The following SYBU variants were observed in gnomAD, a reference collection of about 807,000 sequenced individuals.
SYBU encodes the protein GOLSYN A protein.
Under a neutral mutation model 35.9 loss-of-function variants are expected in SYBU, and 21 were observed. That is an observed-to-expected ratio of 0.58 (90% CI 0.41 to 0.84). The LOEUF (loss-of-function observed/expected upper bound fraction) is 0.84. Among genes scored for constraint, SYBU ranks in the 40% least tolerant of loss-of-function variants. The pLI, the probability that SYBU is intolerant of heterozygous loss-of-function variation, is 0.00. For missense variants in SYBU, 768 were observed against 848.2 expected (o/e 0.91, Z 1.17); for synonymous variants, 319 against 324.3 (o/e 0.98, Z 0.18).
At position 109,642,864 on chromosome 8, in the gene SYBU, C is replaced by A. The variant is rs747028085; in HGVS notation, c.93G>T (p.Arg31=). The A allele has an allele frequency of 8.1e-6, 13 of 1,605,256 alleles. No homozygotes were observed. Among genetic ancestry groups the A allele is most frequent in the Non-Finnish European group, 1.0e-5 (12 of 1,175,466 alleles). Residue 31 remains arginine (R), a synonymous_variant, in exon 2 of 7, where the codon CGG becomes CGT. Coordinates refer to ENST00000276646, the MANE Select transcript of SYBU (RefSeq NM_001099754.2). ...SRSRIPRLIL[R]PHMPQQQHKV... Reference sequence around the variant, plus strand: ...TGTGCTGTTGTTGGGGCATATGGGGCCGAAGAATCAACCGGGGAATTCGGC... The same window carrying A: ...TGTGCTGTTGTTGGGGCATATGGGGACGAAGAATCAACCGGGGAATTCGGC...
At chr8:109,579,697 G>C (rs1200156357) in intron 5 of SYBU, 102 bp downstream of exon 5, 1 of 1,079,822 alleles carries the variant, frequency 9.3e-7, no homozygotes, top group Non-Finnish European at 1.4e-6. Flanking sequence ...TGTAGAATCA[G>C]GCAAGGGATC....
intron 3 of SYBU, among the ~76,000 whole-genome samples, chr8:109,608,378 C>T (rs1826283554): frequency 6.6e-6 from 1 of 152,140 alleles, no homozygotes; most frequent in Non-Finnish European, 1.5e-5. Flanking sequence ...CCCACACAGC[C>T]CTAAATTTTA....
chr8:109,631,494 G>A (rs532220774), intron 2 of SYBU, among the ~76,000 whole-genome samples: 13 of 152,282 alleles, frequency 8.5e-5, no homozygotes, highest in Non-Finnish European at 1.5e-5. Flanking sequence ...GAGGATGCAG[G>A]GCCAGGTGAG....
At chr8:109,665,936 G>A (rs991900170) in intron 1 of SYBU, among the ~76,000 whole-genome samples, 1 of 152,068 alleles carries the variant, frequency 6.6e-6, no homozygotes, top group African/African-American at 2.4e-5. Flanking sequence ...ATCCACTAAG[G>A]CCATTTTGGG....
chr8:109,606,857 T>C (rs1346740219), intron 3 of SYBU, among the ~76,000 whole-genome samples: 1 of 150,954 alleles, frequency 6.6e-6, no homozygotes, highest in Non-Finnish European at 1.5e-5. Flanking sequence ...TTTGCCTAAG[T>C]AGTCATGAGC....
chr8:109,592,776 G>GT (rs944266555), intron 3 of SYBU, among the ~76,000 whole-genome samples: 6 of 152,034 alleles, frequency 3.9e-5, no homozygotes, highest in South Asian at 2.1e-4. Context: ...TCTTGACCAA[G>GT]TTTTTTTTAA....
intron 3 of SYBU, among the ~76,000 whole-genome samples, chr8:109,607,661 C>A (rs896027144): frequency 6.6e-6 from 1 of 152,142 alleles, no homozygotes; most frequent in African/African-American, 2.4e-5. Flanking sequence ...TACAATTGCA[C>A]AAATAGACTT....
chr8:109,624,158 G>A (rs948491136), intron 2 of SYBU, among the ~76,000 whole-genome samples: 1 of 151,860 alleles, frequency 6.6e-6, no homozygotes, highest in African/African-American at 2.4e-5. Flanking sequence ...ATAATCACTG[G>A]ATATATAAAA....
chr8:109,680,317 T>C (rs1440846010), intron 1 of SYBU: 37 of 152,226 alleles, frequency 2.4e-4, no homozygotes, highest in Admixed American at 2.3e-3. Context: ...AGCATGCTAC[T>C]ATAGTTAGCA....
chr8:109,637,666 A>G (rs1171142009), intron 2 of SYBU, among the ~76,000 whole-genome samples: 1 of 152,132 alleles, frequency 6.6e-6, no homozygotes, highest in African/African-American at 2.4e-5. Flanking sequence ...TAAGCAGTTC[A>G]TCTCAGTTCT....
At chr8:109,593,186 G>A (rs1047941656) in intron 3 of SYBU, among the ~76,000 whole-genome samples, 14 of 152,142 alleles carry the variant, frequency 9.2e-5, no homozygotes, top group African/African-American at 2.9e-4. Context: ...GGTGGTCCAT[G>A]AACCATATTA....
chr8:109,667,349 G>A (rs1040408125), intron 1 of SYBU, among the ~76,000 whole-genome samples: 1 of 151,980 alleles, frequency 6.6e-6, no homozygotes, highest in African/African-American at 2.4e-5. Context: ...ATCTCCTCGT[G>A]ATCCGCCCAC....
intron 1 of SYBU, among the ~76,000 whole-genome samples, chr8:109,663,347 A>G (rs545402407): frequency 6.6e-6 from 1 of 152,248 alleles, no homozygotes; most frequent in East Asian, 1.9e-4. Flanking sequence ...ACTGATTTTG[A>G]TCAGGACAAT....
At chr8:109,593,116 G>T (rs1188187124) in intron 3 of SYBU, among the ~76,000 whole-genome samples, 2 of 152,200 alleles carry the variant, frequency 1.3e-5, no homozygotes, top group Admixed American at 6.5e-5. Context: ...CAGAAGATCT[G>T]GGAGGAGGGT....
chr8:109,592,393 C>G (rs1171956906), intron 3 of SYBU, among the ~76,000 whole-genome samples: 1 of 152,170 alleles, frequency 6.6e-6, no homozygotes, highest in Non-Finnish European at 1.5e-5. Context: ...CCAAAAAGTT[C>G]TAGAGTCTCT....
At chr8:109,659,052 G>A (rs1816467075) in intron 1 of SYBU, among the ~76,000 whole-genome samples, 1 of 152,034 alleles carries the variant, frequency 6.6e-6, no homozygotes, top group Non-Finnish European at 1.5e-5. Context: ...TTTTAAAAGC[G>A]ATCTCACTCA....
chr8:109,644,489 C>A, intron 1 of SYBU, 147 bp downstream of exon 1: 1 of 926,416 alleles, frequency 1.1e-6, no homozygotes, highest in Non-Finnish European at 1.6e-6. Flanking sequence ...AGCAATGCCT[C>A]CTGCCTTCTC....
At chr8:109,679,739 T>C (rs1359942752) in intron 1 of SYBU, among the ~76,000 whole-genome samples, 1 of 152,220 alleles carries the variant, frequency 6.6e-6, no homozygotes, top group East Asian at 1.9e-4. Context: ...GATTTCTGAA[T>C]GCCTGCAAAA....
rs760013683 is a variant in SYBU at position 109,575,613 on chromosome 8, G to C, written c.1285C>G (p.Leu429Val). ...QVTGEGADRE[L>V]LVGDSIANST... is the part of the protein sequence containing the mutation. The stretch of plus-strand genomic sequence containing the variant: ...TTGGCTATGCTATCTCCTACCAGTA[G>C]CTCCCTGTCAGCCCCTTCCCCCGTG... Residue 429 changes from leucine to valine, a missense_variant, in exon 7 of 7, where the codon CTA becomes GTA. Leu to Val is a conservative substitution (Grantham distance 32). Transcript: ENST00000276646. 1 of 1,614,082 alleles carries C rather than the reference G, an allele frequency of 6.2e-7. No individual in the cohort carries two copies.
Sources: allele counts gnomAD v4.1 joint callset (sites outside exome capture counted in the v4.1 genomes callset), GRCh38; gene constraint gnomAD v4.1.1; transcripts MANE v1.5; gene names NCBI Gene and HGNC (gene_info 2026-07-23, HGNC 2026-07-21).